The following NTM variants were observed in gnomAD, a reference collection of about 807,000 sequenced individuals.
The protein encoded by NTM is neurotrimin.
A neutral mutation model predicts 42.1 loss-of-function variants in NTM; 13 were observed. The observed-to-expected ratio is 0.31, with a 90% CI of 0.20 to 0.49. The LOEUF (loss-of-function observed/expected upper bound fraction) is 0.49, where lower values mean the gene tolerates loss of function less well. NTM is among the 20% of genes least tolerant of loss of function. NTM has a pLI of 0.99. For missense variants in NTM, 373 were observed against 452.8 expected (o/e 0.82, Z 1.60); for synonymous variants, 187 against 179.2 (o/e 1.04, Z -0.35).
At chr11:131,660,268 C>A (rs528648465) in intron 1 of NTM, 18 of 348,914 alleles carry the variant, frequency 5.2e-5, no homozygotes, top group Middle Eastern at 3.9e-4. Flanking sequence ...CCTCAGGGTG[C>A]TGCAATAATG....
At chr11:132,145,212 C>T (rs1171070376) in intron 2 of NTM, among the ~76,000 whole-genome samples, 2 of 152,206 alleles carry the variant, frequency 1.3e-5, no homozygotes, top group Non-Finnish European at 2.9e-5. Context: ...ATTCAGAACC[C>T]TAGTGTCCTG....
intron 1 of NTM, among the ~76,000 whole-genome samples, chr11:131,389,973 A>G (rs949730710): frequency 6.6e-6 from 1 of 152,192 alleles, no homozygotes; most frequent in African/African-American, 2.4e-5. Context: ...GAGAACTGGG[A>G]GAGGGGCAGA....
intron 2 of NTM, among the ~76,000 whole-genome samples, chr11:132,105,267 G>A (rs1291332747): frequency 4.6e-5 from 7 of 151,834 alleles, no homozygotes; most frequent in East Asian, 1.9e-4. Flanking sequence ...ACCATGCCCC[G>A]TATCTCCAGA....
At chr11:131,808,346 T>C (rs2092600178) in intron 1 of NTM, among the ~76,000 whole-genome samples, 1 of 152,148 alleles carries the variant, frequency 6.6e-6, no homozygotes, top group South Asian at 2.1e-4. Flanking sequence ...TGTTCAATCA[T>C]TTGTTCGATC....
At chr11:131,766,473 C>T (rs766997252) in intron 1 of NTM, among the ~76,000 whole-genome samples, 4 of 152,112 alleles carry the variant, frequency 2.6e-5, no homozygotes, top group African/African-American at 4.8e-5. Flanking sequence ...GTCACCTCGC[C>T]ACACACGGGA....
chr11:132,153,429 C>T (rs137973815), intron 3 of NTM, among the ~76,000 whole-genome samples: 2 of 152,234 alleles, frequency 1.3e-5, no homozygotes, highest in African/African-American at 2.4e-5. Context: ...GGTCTCATGA[C>T]CCAACACTAC....
At chr11:131,521,381 G>GTTT (rs2049660915) in intron 1 of NTM, among the ~76,000 whole-genome samples, 3 of 103,382 alleles carry the variant, frequency 2.9e-5, no homozygotes, top group Non-Finnish European at 5.8e-5. Context: ...CAAGGTGCCA[G>GTTT]TCTTTTTTTT....
At chr11:131,868,274 A>T (rs997099443) in intron 1 of NTM, among the ~76,000 whole-genome samples, 1 of 151,612 alleles carries the variant, frequency 6.6e-6, no homozygotes, top group African/African-American at 2.4e-5. Context: ...GCAGCCACCC[A>T]CCCTTTTTTG....
intron 1 of NTM, among the ~76,000 whole-genome samples, chr11:131,417,543 G>A (rs1947079874): frequency 6.6e-6 from 1 of 152,142 alleles, no homozygotes; most frequent in Non-Finnish European, 1.5e-5. Flanking sequence ...GGGTTATTCT[G>A]AATACTGTAA....
chr11:131,577,807 TATTAAG>T (rs1463120862), intron 1 of NTM, among the ~76,000 whole-genome samples: 14 of 152,348 alleles, frequency 9.2e-5, no homozygotes, highest in African/African-American at 3.1e-4. Context: ...GTCTTAGATT[TATTAAG>T]ATTAAGTCAT....
chr11:131,433,183 A>G (rs1948831174), intron 1 of NTM, among the ~76,000 whole-genome samples: 2 of 152,126 alleles, frequency 1.3e-5, no homozygotes, highest in Non-Finnish European at 2.9e-5. Context: ...GTCCCATCAC[A>G]TTTAATTCTT....
At position 131,789,935 on chromosome 11, in the gene NTM, G is replaced by A. The variant is rs558491554; in HGVS notation, c.83-121629G>A. Reference sequence around the variant, plus strand: ...CGCGCCACTGCACTCCAGCCTGGGCGACAGAGCGAGACTCCGTCTCAAAAA... The same window carrying A: ...CGCGCCACTGCACTCCAGCCTGGGCAACAGAGCGAGACTCCGTCTCAAAAA... On this transcript the variant is annotated intron_variant, in intron 1 of 8. Transcript: ENST00000683400. 1.4e-3 allele frequency among the ~76,000 whole-genome samples: 157 copies of A among 113,486 alleles called. 1 individual carries two copies. The highest frequency in any genetic ancestry group is 2.8e-3 in the South Asian group (10 of 3,532). The allele number at this position is 113,486 out of a possible 152,430, so 74.5% of individuals were successfully genotyped here.
chr11:132,276,227 T>C (rs2093722686), intron 4 of NTM, among the ~76,000 whole-genome samples: 1 of 152,162 alleles, frequency 6.6e-6, no homozygotes, highest in South Asian at 2.1e-4. Context: ...TAACCACATT[T>C]TCTTTATTCA....
At chr11:132,026,476 C>A (rs1784808) in intron 2 of NTM, among the ~76,000 whole-genome samples, 69,845 of 151,976 alleles carry the variant, frequency 0.46, 16,411 homozygotes, top group Admixed American at 0.49. Context: ...CAGAGGTACC[C>A]AGAATGTAGA....
chr11:131,961,766 A>G (rs1248380389), intron 2 of NTM, among the ~76,000 whole-genome samples: 1 of 152,184 alleles, frequency 6.6e-6, no homozygotes, highest in Non-Finnish European at 1.5e-5. Flanking sequence ...GTCTTCCAGA[A>G]CTGGGCAGGG....
chr11:131,976,116 A>ATTCCTTCCTTCCTTCCTTCCTTCCTTCC (rs373955090), intron 2 of NTM, among the ~76,000 whole-genome samples: 8 of 123,872 alleles, frequency 6.5e-5, no homozygotes, highest in East Asian at 5.2e-4. Context: ...TCCCTCCCTC[A>ATTCCTTCCTTCCTTCCTTCCTTCCTTCC]TTCCTTCCTT....
chr11:131,529,611 A>G lies in NTM; in HGVS notation c.82+158723A>G, dbSNP rs369967590. On this transcript the variant is annotated intron_variant, in intron 1 of 8. Transcript: ENST00000683400. ...ACTCCAGAGACTTTAACACGCACCA[A>G]CTGAAATCAAGGCTGCTCGGTGCAT... Among the ~76,000 whole-genome samples, 2 of 152,254 alleles carry G rather than the reference A, an allele frequency of 1.3e-5. 1 individual carries two copies. Among genetic ancestry groups the G allele is most frequent in the African/African-American group, 4.8e-5 (2 of 41,544 alleles).
At chr11:132,210,496 C>T (rs1353239341) in intron 3 of NTM, among the ~76,000 whole-genome samples, 1 of 152,130 alleles carries the variant, frequency 6.6e-6, no homozygotes, top group South Asian at 2.1e-4. Context: ...AGCTCATGGC[C>T]TAGTGGGTGA....
intron 2 of NTM, among the ~76,000 whole-genome samples, chr11:131,963,427 C>G (rs1252725459): frequency 6.6e-6 from 1 of 152,200 alleles, no homozygotes; most frequent in Non-Finnish European, 1.5e-5. Context: ...AACATGTCCT[C>G]TGCTCAGAAG....
Sources: gnomAD v4.1 joint callset for allele counts (sites outside exome capture counted in the v4.1 genomes callset) on GRCh38, gnomAD v4.1.1 for gene constraint, MANE v1.5 for transcripts, NCBI Gene and HGNC (gene_info 2026-07-23, HGNC 2026-07-21) for gene names.